TENM3: variants seen among roughly 807,000 people sequenced by gnomAD.
TENM3 encodes teneurin-3.
In TENM3, 63 loss-of-function variants were observed where a neutral mutation model predicts 255.1. That is an observed-to-expected ratio of 0.25 (90% CI 0.20 to 0.30). The LOEUF is 0.30. Among genes scored for constraint, TENM3 ranks in the 10% least tolerant of loss-of-function variants. TENM3 has a pLI of 1.00. For missense variants in TENM3, 2,929 were observed against 3,461.1 expected (o/e 0.85, Z 3.86); for synonymous variants, 1,306 against 1,322.3 (o/e 0.99, Z 0.27).
the TENM3 span, among the ~76,000 whole-genome samples, chr4:181,456,393 A>G: frequency 3.3e-5 from 5 of 151,858 alleles, no homozygotes; most frequent in Admixed American, 6.6e-5. Flanking sequence ...GACATAACAC[A>G]GATAAGGCAG....
the TENM3 span, among the ~76,000 whole-genome samples, chr4:182,101,126 AGAAG>A: frequency 5.3e-4 from 5 of 9,460 alleles, no homozygotes; most frequent in African/African-American, 2.3e-3. Context: ...AAGGAAGGAA[AGAAG>A]GAAGGAAGGA....
chr4:182,530,116 A>G (rs1039607911), intron 3 of TENM3, among the ~76,000 whole-genome samples: 2 of 152,206 alleles, frequency 1.3e-5, no homozygotes, highest in African/African-American at 4.8e-5. Flanking sequence ...CTCATCCACA[A>G]CTTGTTCACA....
At chr4:181,501,089 G>A in the TENM3 span, among the ~76,000 whole-genome samples, 17 of 152,232 alleles carry the variant, frequency 1.1e-4, no homozygotes, top group South Asian at 4.1e-4. Context: ...GCCTTTCTGG[G>A]CCAATCAAAG....
chr4:182,669,539 G>A (rs890314825), intron 6 of TENM3, among the ~76,000 whole-genome samples: 2 of 152,032 alleles, frequency 1.3e-5, no homozygotes, highest in Non-Finnish European at 2.9e-5. Flanking sequence ...CAAATTGCTA[G>A]GATTACAGGC....
chr4:181,838,726 C>G, the TENM3 span, among the ~76,000 whole-genome samples: 1 of 151,866 alleles, frequency 6.6e-6, no homozygotes, highest in Non-Finnish European at 1.5e-5. Context: ...TTATAGCATT[C>G]TTATTTTTAA....
intron 4 of TENM3, among the ~76,000 whole-genome samples, chr4:182,620,653 T>C (rs1750033920): frequency 6.6e-6 from 1 of 152,222 alleles, no homozygotes; most frequent in Admixed American, 6.5e-5. Context: ...GTTTAAACAA[T>C]CTTTACTAAT....
chr4:181,698,292 G>A, the TENM3 span, among the ~76,000 whole-genome samples: 1,862 of 151,798 alleles, frequency 0.012, 39 homozygotes, highest in African/African-American at 0.042. Context: ...ACAGAAATAA[G>A]GTGCTCAAGG....
chr4:182,426,021 A>AAAAAAAAAAAAAAAAAAAAAAAAAAAAAG (rs1771194805), intron 3 of TENM3, among the ~76,000 whole-genome samples: 1 of 151,636 alleles, frequency 6.6e-6, no homozygotes, highest in Non-Finnish European at 1.5e-5. Flanking sequence ...AAAAAAAAAA[A>AAAAAAAAAAAAAAAAAAAAAAAAAAAAAG]AAAAAAAAAC....
the TENM3 span, among the ~76,000 whole-genome samples, chr4:181,781,791 C>T: frequency 1.3e-5 from 2 of 152,136 alleles, no homozygotes; most frequent in Non-Finnish European, 2.9e-5. Context: ...GAGATACATC[C>T]CATCAATACC....
chr4:182,579,203 A>T (rs1194321594), intron 3 of TENM3, among the ~76,000 whole-genome samples: 1 of 152,222 alleles, frequency 6.6e-6, no homozygotes, highest in African/African-American at 2.4e-5. Context: ...AAGTTTTGAA[A>T]ATGCCATGTT....
the TENM3 span, among the ~76,000 whole-genome samples, chr4:181,810,497 A>G: frequency 1.3e-5 from 2 of 151,930 alleles, no homozygotes; most frequent in Admixed American, 1.3e-4. Context: ...TGAGTGCAGT[A>G]TGTTTCTGCT....
the TENM3 span, among the ~76,000 whole-genome samples, chr4:181,473,284 G>C: frequency 2.6e-5 from 4 of 152,076 alleles, no homozygotes; most frequent in African/African-American, 9.7e-5. Flanking sequence ...TGAGAAAACT[G>C]TTAAATAAGA....
chr4:182,524,274 A>T lies in TENM3; in HGVS notation c.512-76650A>T, dbSNP rs1040148639. Among the ~76,000 whole-genome samples the T allele has an allele frequency of 1.3e-5, 2 of 152,042 alleles. 1 individual carries two copies. Among genetic ancestry groups the T allele is most frequent in the South Asian group, 4.2e-4 (2 of 4,802 alleles). ...TCATTTCAAATTGGTGACATGTCAAAAATCTTGCATTGAGAACCACTATAC... is the reference window on the plus strand; with the variant it reads ...TCATTTCAAATTGGTGACATGTCAATAATCTTGCATTGAGAACCACTATAC... On this transcript the variant is annotated intron_variant, in intron 3 of 27. Coordinates refer to ENST00000511685, the MANE Select transcript of TENM3 (RefSeq NM_001080477.4).
the TENM3 span, among the ~76,000 whole-genome samples, chr4:181,731,438 A>G: frequency 7.2e-5 from 11 of 152,160 alleles, no homozygotes; most frequent in African/African-American, 2.6e-4. Flanking sequence ...TACAACCTCG[A>G]CCTCTCAGGT....
chr4:182,343,116 G>T (rs1251215679), intron 2 of TENM3, among the ~76,000 whole-genome samples: 1 of 152,160 alleles, frequency 6.6e-6, no homozygotes, highest in Admixed American at 6.5e-5. Flanking sequence ...CACCTAGGTT[G>T]TGTTTATTCA....
chr4:181,970,680 C>T, the TENM3 span, among the ~76,000 whole-genome samples: 13 of 152,150 alleles, frequency 8.5e-5, no homozygotes, highest in Non-Finnish European at 4.4e-5. Flanking sequence ...TGTGGACTCT[C>T]CTTCATCTCC....
chr4:182,247,211 G>C (rs940476993), intron 1 of TENM3, among the ~76,000 whole-genome samples: 4 of 152,224 alleles, frequency 2.6e-5, no homozygotes, highest in African/African-American at 9.6e-5. Flanking sequence ...AGGTGCTGCA[G>C]CAAGAAATTG....
chr4:181,873,391 C>A, the TENM3 span, among the ~76,000 whole-genome samples: 1 of 152,026 alleles, frequency 6.6e-6, no homozygotes, highest in Non-Finnish European at 1.5e-5. Context: ...TTTAATGCTA[C>A]CAATTTTCCT....
the TENM3 span, among the ~76,000 whole-genome samples, chr4:181,591,622 G>T: frequency 2.6e-5 from 4 of 152,196 alleles, no homozygotes; most frequent in African/African-American, 9.7e-5. Context: ...AACAGCAGTT[G>T]AGCGCACATC....
Sources: gnomAD v4.1 joint callset for allele counts (sites outside exome capture counted in the v4.1 genomes callset) on GRCh38, gnomAD v4.1.1 for gene constraint, MANE v1.5 for transcripts, NCBI Gene and HGNC (gene_info 2026-07-23, HGNC 2026-07-21) for gene names.